The following ZMYM4 variants were observed in gnomAD, a reference collection of about 807,000 sequenced individuals.
ZMYM4 encodes zinc finger MYM-type protein 4.
A neutral mutation model predicts 183.2 loss-of-function variants in ZMYM4; 31 were observed. The ratio of observed to expected loss-of-function variants is 0.17; its 90% CI spans 0.13 to 0.23. The LOEUF is 0.23. Among genes scored for constraint, ZMYM4 ranks in the 10% least tolerant of loss-of-function variants. The probability of loss-of-function intolerance (pLI) is 1.00; values close to 1 mark genes in which losing one functional copy is unlikely to be tolerated. For missense variants in ZMYM4, 1,273 were observed against 1,840.3 expected (o/e 0.69, Z 5.64); for synonymous variants, 592 against 631.2 (o/e 0.94, Z 0.93).
At chr1:35,322,567 G>A (rs1159534839) in intron 1 of ZMYM4, among the ~76,000 whole-genome samples, 3 of 152,180 alleles carry the variant, frequency 2.0e-5, no homozygotes, top group Non-Finnish European at 4.4e-5. Context: ...GGGTTTAGCA[G>A]TGTGGAGGTC....
chr1:35,403,286 T>C (rs1329494647), intron 23 of ZMYM4, among the ~76,000 whole-genome samples: 1 of 152,148 alleles, frequency 6.6e-6, no homozygotes, highest in Non-Finnish European at 1.5e-5. Flanking sequence ...CGAAGGTTTT[T>C]TGTTGTTGTT....
chr1:35,417,238 CAAAAAAA>C (rs755183094), intron 28 of ZMYM4, among the ~76,000 whole-genome samples: 3 of 83,546 alleles, frequency 3.6e-5, no homozygotes, highest in African/African-American at 1.3e-4. Context: ...CCCTGTCTCC[CAAAAAAA>C]AAAAAAAAAG....
chr1:35,417,848 A>G (rs1640183076), intron 28 of ZMYM4, among the ~76,000 whole-genome samples: 1 of 152,086 alleles, frequency 6.6e-6, no homozygotes, highest in South Asian at 2.1e-4. Flanking sequence ...TGTCTCTACT[A>G]AAAATACAAA....
rs1262273635 is a variant in ZMYM4, at chr1:35,387,522, A to C, written c.2181A>C (p.Ala727=). The change falls in exon 13 of 30, where the codon GCA becomes GCC. Residue 727 remains alanine, a synonymous_variant. Transcript: ENST00000314607. ...DEYKKINNVM[A]MCEYCKIEKI... ...ATAAGAAAATAAATAATGTAATGGC[A>C]ATGTGTGAATATTGTAAAATTGAGA... is the stretch of plus-strand genomic sequence containing the variant. The C allele has an allele frequency of 6.2e-7, 1 of 1,613,442 alleles. No homozygotes were observed. The highest frequency in any genetic ancestry group is 1.7e-5 in the Admixed American group (1 of 59,922).
chr1:35,382,512 G>A (rs927769642), intron 9 of ZMYM4, among the ~76,000 whole-genome samples: 8 of 147,704 alleles, frequency 5.4e-5, no homozygotes, highest in South Asian at 2.2e-4. Context: ...GTGTGATCCC[G>A]GCTCACTGCA....
At chr1:35,330,639 A>C (rs375606644) in intron 2 of ZMYM4, among the ~76,000 whole-genome samples, 1 of 152,194 alleles carries the variant, frequency 6.6e-6, no homozygotes, top group East Asian at 1.9e-4. Context: ...AGTAAGGAAA[A>C]GGGAGAGAAT....
chr1:35,277,226 A>C (rs1028290207), intron 1 of ZMYM4, among the ~76,000 whole-genome samples: 1 of 152,154 alleles, frequency 6.6e-6, no homozygotes, highest in Non-Finnish European at 1.5e-5. Flanking sequence ...TATTTTAAAA[A>C]ATTTACCAAG....
Position 35,370,367 on chromosome 1 carries a change from T to TTTTA in ZMYM4, c.926-5_926-4insTTTA. On this transcript the variant is annotated splice_region_variant and splice_polypyrimidine_tract_variant and intron_variant, in intron 6 of 29. Coordinates refer to ENST00000314607, the MANE Select transcript of ZMYM4 (RefSeq NM_005095.3). ...TTTTTTTTTTTTTTTTTTTTTTTTT[T>TTTTA]AAAGCTCCACAGTTGACTACTGGCT... The TTTTA allele has an allele frequency of 7.7e-7, 1 of 1,306,358 alleles. No individual in the cohort carries two copies. Among genetic ancestry groups the TTTTA allele is most frequent in the South Asian group, 1.7e-5 (1 of 58,758 alleles). The allele number at this position is 1,306,358 out of a possible 1,614,324, so 80.9% of individuals were successfully genotyped here. A position where few individuals can be genotyped will look rare whatever the true frequency, so the allele number is the denominator to read the frequency against.
At position 35,287,661 on chromosome 1, in the gene ZMYM4, A is replaced by G. The variant is rs112371293; in HGVS notation, c.39+18576A>G. ...TGCTCTGTCACCCAGGCTGGAATGC[A>G]GTGACGCAATCTCGGCTCACTGCAA... On this transcript the variant is annotated intron_variant, in intron 1 of 29. Coordinates refer to ENST00000314607, the MANE Select transcript of ZMYM4 (RefSeq NM_005095.3). Among the ~76,000 whole-genome samples, 273 of 152,050 alleles carry G rather than the reference A, an allele frequency of 1.8e-3. 2 individuals carry two copies. Among genetic ancestry groups the G allele is most frequent in the Admixed American group, 3.8e-3 (58 of 15,278 alleles).
At chr1:35,399,212 G>A (rs764505565) in intron 22 of ZMYM4, among the ~76,000 whole-genome samples, 169 bp downstream of exon 22, 3 of 152,078 alleles carry the variant, frequency 2.0e-5, no homozygotes, top group East Asian at 3.9e-4. Context: ...GTGTTAATTC[G>A]TACCATATTG....
intron 13 of ZMYM4, among the ~76,000 whole-genome samples, chr1:35,387,951 C>G (rs1004332361): frequency 4.6e-5 from 7 of 152,080 alleles, no homozygotes; most frequent in Non-Finnish European, 8.8e-5. Flanking sequence ...TGGTAACATT[C>G]TAAGTTTATA....
chr1:35,392,530 T>TA (rs904719855), intron 16 of ZMYM4, 117 bp from the exon 17 acceptor site: 13 of 1,298,920 alleles, frequency 1.0e-5, no homozygotes, highest in African/African-American at 1.5e-5. Flanking sequence ...TCCGTTGAAT[T>TA]AAAAAAACAC....
intron 1 of ZMYM4, among the ~76,000 whole-genome samples, chr1:35,311,504 T>C (rs987533127): frequency 1.3e-5 from 2 of 151,870 alleles, no homozygotes; most frequent in Non-Finnish European, 2.9e-5. Context: ...CAGTATTTTA[T>C]CACTTCAGAC....
At chr1:35,312,289 A>G (rs1419239291) in intron 1 of ZMYM4, among the ~76,000 whole-genome samples, 1 of 152,078 alleles carries the variant, frequency 6.6e-6, no homozygotes, top group Non-Finnish European at 1.5e-5. Flanking sequence ...GTTTTCAGCC[A>G]TTATTTCTTC....
chr1:35,357,318 G>A (rs778544167), intron 2 of ZMYM4, among the ~76,000 whole-genome samples: 5 of 152,222 alleles, frequency 3.3e-5, no homozygotes. Context: ...CCAGCCACAT[G>A]AAGGATGTAA....
At chr1:35,321,598 T>G (rs1642284358) in intron 1 of ZMYM4, among the ~76,000 whole-genome samples, 1 of 151,998 alleles carries the variant, frequency 6.6e-6, no homozygotes, top group Non-Finnish European at 1.5e-5. Flanking sequence ...GCTGTGTGTG[T>G]GTGTGTGTGT....
intron 6 of ZMYM4, 31 bp from the exon 7 acceptor site, chr1:35,370,341 T>TTTTTTTTTTTTTTTTTTTTTTTTTTTTTA: frequency 1.1e-6 from 1 of 877,972 alleles, no homozygotes; most frequent in South Asian, 3.3e-5. Context: ...TCTTTCAATT[T>TTTTTTTTTTTTTTTTTTTTTTTTTTTTTA]TTTTTTTTTT....
chr1:35,379,651 T>C (rs1342393749), intron 7 of ZMYM4, among the ~76,000 whole-genome samples: 1 of 152,246 alleles, frequency 6.6e-6, no homozygotes, highest in Non-Finnish European at 1.5e-5. Context: ...AGGCCTAGCT[T>C]TCCACATGCC....
chr1:35,356,326 C>T (rs896491541), intron 2 of ZMYM4, among the ~76,000 whole-genome samples: 1 of 152,198 alleles, frequency 6.6e-6, no homozygotes, highest in Non-Finnish European at 1.5e-5. Flanking sequence ...GTTCTGACTA[C>T]ATAAAACACC....
Sources: gnomAD v4.1 joint callset for allele counts (sites outside exome capture counted in the v4.1 genomes callset) on GRCh38, gnomAD v4.1.1 for gene constraint, MANE v1.5 for transcripts, NCBI Gene and HGNC (gene_info 2026-07-23, HGNC 2026-07-21) for gene names.